Variants in CRTC1 observed in about 807,000 individuals in gnomAD.
The protein encoded by CRTC1 is CREB-regulated transcription coactivator 1.
CRTC1 carries 18 observed loss-of-function variants against 66.1 expected under a neutral mutation model. That is an observed-to-expected ratio of 0.27 (90% CI 0.19 to 0.40). The LOEUF is 0.40. Ranked by LOEUF, CRTC1 falls within the 10% of genes least tolerant of loss-of-function variation. The pLI, the probability that CRTC1 is intolerant of heterozygous loss-of-function variation, is 1.00. For synonymous variants in CRTC1, 416 were observed against 398.8 expected (o/e 1.04, Z -0.51); for missense variants, 669 against 887.9 (o/e 0.75, Z 3.13).
intron 6 of CRTC1, among the ~76,000 whole-genome samples, chr19:18,759,105 T>C (rs2054556687): frequency 6.6e-6 from 1 of 152,176 alleles, no homozygotes; most frequent in Non-Finnish European, 1.5e-5. Flanking sequence ...CTCGGGAGGC[T>C]GAGGCGGGAA....
intron 1 of CRTC1, among the ~76,000 whole-genome samples, chr19:18,720,709 C>A (rs1809829658): frequency 6.6e-6 from 1 of 152,018 alleles, no homozygotes; most frequent in South Asian, 2.1e-4. Context: ...ATCATGTTGG[C>A]CAGGCTGATC....
At chr19:18,775,846 T>G in intron 13 of CRTC1, 25 bp downstream of exon 13, 1 of 1,541,300 alleles carries the variant, frequency 6.5e-7, no homozygotes, top group Non-Finnish European at 8.7e-7. Context: ...GGGGCGCGTG[T>G]GCGGCGCCCC....
chr19:18,759,709 C>T (rs906476791), intron 7 of CRTC1, 118 bp downstream of exon 7: 226 of 1,157,526 alleles, frequency 2.0e-4, no homozygotes, highest in Middle Eastern at 3.8e-4. Flanking sequence ...CACTGTGTGA[C>T]CAGAGGCCAG....
intron 1 of CRTC1, among the ~76,000 whole-genome samples, chr19:18,724,624 G>A (rs1034801594): frequency 6.6e-6 from 1 of 150,536 alleles, no homozygotes; most frequent in African/African-American, 2.5e-5. Context: ...GGCTCCAGCC[G>A]TTCCTTGGCT....
At chr19:18,714,739 A>G (rs1177171910) in intron 1 of CRTC1, among the ~76,000 whole-genome samples, 1 of 152,158 alleles carries the variant, frequency 6.6e-6, no homozygotes, top group African/African-American at 2.4e-5. Flanking sequence ...CAGGTTAGGG[A>G]TTGAGGTGTC....
chr19:18,713,899 T>C (rs77253968), intron 1 of CRTC1, among the ~76,000 whole-genome samples: 15,853 of 152,198 alleles, frequency 0.1, 1,049 homozygotes, highest in East Asian at 0.26. Flanking sequence ...CCTGCACCAC[T>C]GGCAGCCCGC....
chr19:18,751,262 G>A (rs930223722), intron 5 of CRTC1, among the ~76,000 whole-genome samples: 2 of 151,764 alleles, frequency 1.3e-5, no homozygotes, highest in Non-Finnish European at 3.0e-5. Context: ...GGTGGCTCAC[G>A]CCTGCAATCC....
At chr19:18,750,824 C>T (rs1345823373) in intron 5 of CRTC1, among the ~76,000 whole-genome samples, 1 of 152,186 alleles carries the variant, frequency 6.6e-6, no homozygotes, top group Admixed American at 6.5e-5. Context: ...GAAAATGAGG[C>T]TTCTGGAACA....
chr19:18,687,285 A>G (rs1359247785), intron 1 of CRTC1, among the ~76,000 whole-genome samples: 3 of 151,948 alleles, frequency 2.0e-5, no homozygotes, highest in African/African-American at 7.3e-5. Flanking sequence ...CGGCCTCCCA[A>G]ATTGCTGGGA....
intron 10 of CRTC1, among the ~76,000 whole-genome samples, chr19:18,770,334 A>G (rs772501813): frequency 1.3e-5 from 2 of 152,222 alleles, no homozygotes; most frequent in Admixed American, 6.5e-5. Context: ...CAGGTCTCAG[A>G]TGGCATAACC....
At chr19:18,715,500 A>G (rs902970428) in intron 1 of CRTC1, among the ~76,000 whole-genome samples, 2 of 152,218 alleles carry the variant, frequency 1.3e-5, no homozygotes, top group African/African-American at 4.8e-5. Context: ...ATTTCCAAGT[A>G]AGTTCCCATT....
chr19:18,743,316 C>T (rs1475182244), intron 2 of CRTC1, among the ~76,000 whole-genome samples: 2 of 152,252 alleles, frequency 1.3e-5, no homozygotes, highest in Non-Finnish European at 2.9e-5. Flanking sequence ...GGGAACCGCT[C>T]GGGGCCACTG....
intron 1 of CRTC1, among the ~76,000 whole-genome samples, chr19:18,733,965 C>A (rs1380247460): frequency 6.6e-6 from 1 of 152,000 alleles, no homozygotes; most frequent in Non-Finnish European, 1.5e-5. Context: ...AAAAATTCGC[C>A]GGGCATGGTG....
chr19:18,750,714 G>A (rs945875231), intron 5 of CRTC1, among the ~76,000 whole-genome samples: 16 of 152,206 alleles, frequency 1.1e-4, no homozygotes, highest in Non-Finnish European at 1.5e-5. Flanking sequence ...GATAGGAGGA[G>A]GAAGAGGAGG....
At chr19:18,710,529 A>G (rs959712734) in intron 1 of CRTC1, among the ~76,000 whole-genome samples, 6 of 152,048 alleles carry the variant, frequency 3.9e-5, no homozygotes, top group African/African-American at 9.7e-5. Flanking sequence ...GTTCCCTCCC[A>G]TGGGGGCTTT....
rs181103143 is a variant in CRTC1 at position 18,693,355 on chromosome 19, C to T, written c.126+9527C>T. ...AGTGAGCCGAGATTGTGCCACTGCA[C>T]TCCAGCCTGGGTGACAGAGTGAGAC... On this transcript the variant is annotated intron_variant, in intron 1 of 13. Coordinates refer to ENST00000321949, the MANE Select transcript of CRTC1 (RefSeq NM_015321.3). 7.5e-3 allele frequency among the ~76,000 whole-genome samples: 1,116 copies of T among 149,698 alleles called. 9 individuals are homozygous for T. Among genetic ancestry groups the T allele is most frequent in the Non-Finnish European group, 0.012 (820 of 67,828 alleles).
At chr19:18,745,699 C>A in intron 2 of CRTC1, 124 bp from the exon 3 acceptor site, 2 of 1,241,592 alleles carry the variant, frequency 1.6e-6, no homozygotes, top group Non-Finnish European at 2.3e-6. Context: ...GGCTGTGGAG[C>A]GATGGCCGAG....
Position 18,768,654 on chromosome 19 carries a change from C to T in CRTC1, c.1181C>T (p.Pro394Leu). 1.3e-6 allele frequency: 2 copies of T among 1,540,430 alleles called. No individual in the cohort carries two copies. Among genetic ancestry groups the T allele is most frequent in the Non-Finnish European group, 1.8e-6 (2 of 1,140,854 alleles). The change falls in exon 10 of 14, where the codon CCT becomes CTT. Residue 394 changes from proline (P) to leucine (L), a missense_variant. Physicochemically the swap from Pro to Leu is moderately conservative, Grantham distance 98 (BLOSUM62 -3). This residue lies in a region of CRTC1 where 241 missense variants were observed against 242.2 expected (regional missense o/e 0.99). Coordinates refer to ENST00000321949, the MANE Select transcript of CRTC1 (RefSeq NM_015321.3). This position sits in a 1 kb window ranked among gnomAD's most constrained non-coding sequence, Gnocchi z 5.6. The stretch of plus-strand genomic sequence containing the variant: ...CCACAGGCGCCCGTCCGCCTGCCCC[C>T]TGGTGGCCCCCTGTTGCCCAGCGCC... ...PPPQAPVRLP[P>L]GGPLLPSASL...
At chr19:18,696,503 G>A (rs2052991150) in intron 1 of CRTC1, among the ~76,000 whole-genome samples, 1 of 152,182 alleles carries the variant, frequency 6.6e-6, no homozygotes, top group Non-Finnish European at 1.5e-5. Context: ...CTGCCCCCAT[G>A]GCACAGATGA....
Sources: allele counts gnomAD v4.1 joint callset (sites outside exome capture counted in the v4.1 genomes callset), GRCh38; gene constraint gnomAD v4.1.1; regional missense constraint gnomAD v4.1.1; non-coding constraint Gnocchi (gnomAD v3.1); transcripts MANE v1.5; gene names NCBI Gene and HGNC (gene_info 2026-07-23, HGNC 2026-07-21).